The following ABITRAM variants were observed in gnomAD, a reference collection of about 807,000 sequenced individuals.
ABITRAM encodes the protein actin binding transcription modulator.
A neutral mutation model predicts 22.9 loss-of-function variants in ABITRAM; 19 were observed. The observed-to-expected ratio is 0.83, with a 90% confidence interval of 0.58 to 1.22. The LOEUF is 1.22. Ranked by LOEUF, ABITRAM falls within the 50% of genes most tolerant of loss-of-function variation. ABITRAM has a pLI of 0.00. For missense variants in ABITRAM, 215 were observed against 220.2 expected (o/e 0.98, Z 0.15); for synonymous variants, 70 against 73.9 (o/e 0.95, Z 0.27).
chr9:108,936,297 T>C lies in ABITRAM; in HGVS notation c.132-11T>C, dbSNP rs368424181. The C allele has an allele frequency of 6.2e-7, 1 of 1,611,020 alleles. No individual in the cohort carries two copies. Among genetic ancestry groups the C allele is most frequent in the Non-Finnish European group, 8.5e-7 (1 of 1,179,048 alleles). On this transcript the variant is annotated splice_polypyrimidine_tract_variant and intron_variant, in intron 2 of 5. Coordinates refer to ENST00000322940, the MANE Select transcript of ABITRAM (RefSeq NM_017832.4). ...AAGCAATCACACAGGATCAACTTTT[T>C]CTCCTTGTAGAATATGTGTCATCAC...
chr9:108,947,694 C>T (rs552995001), intron 3 of ABITRAM, among the ~76,000 whole-genome samples: 10 of 152,294 alleles, frequency 6.6e-5, no homozygotes, highest in Admixed American at 3.9e-4. Context: ...TCTGTCTCTC[C>T]TTTAATGCCC....
rs971603040 is a variant in ABITRAM at position 108,939,460 on chromosome 9, A to C, written c.408+6A>C. The C allele has an allele frequency of 6.8e-6, 11 of 1,607,288 alleles. No individual in the cohort carries two copies. The highest frequency in any genetic ancestry group is 9.3e-6 in the Non-Finnish European group (11 of 1,178,300). Reference sequence around the variant, plus strand: ...CATCTATTCTTCAAGAAAAGGTAAAAGAGAGAGAAAAAATATGATCTCATC... The same window carrying C: ...CATCTATTCTTCAAGAAAAGGTAAACGAGAGAGAAAAAATATGATCTCATC... On this transcript the variant is annotated splice_donor_region_variant and intron_variant, in intron 5 of 5. Coordinates refer to ENST00000322940, the MANE Select transcript of ABITRAM (RefSeq NM_017832.4).
exon 4 of ABITRAM, chr9:108,950,511 T>C: frequency 6.5e-7 from 1 of 1,549,144 alleles, no homozygotes; most frequent in Non-Finnish European, 8.7e-7. Flanking sequence ...TTCCAGAGAA[T>C]TATCTATCTA....
In ABITRAM at chr9:108,939,786, ACAGC is replaced by A; in HGVS notation, c.*107_*110del. ...AACCAGTATATGTAAAGCATACCTA[ACAGC>A]CAGCCATATGCAGGGGAGGCCTAGT... On this transcript the variant is annotated 3_prime_UTR_variant, in exon 6 of 6. Transcript: ENST00000322940. 1 of 1,393,754 alleles carries A rather than the reference ACAGC, an allele frequency of 7.2e-7. No homozygotes were observed. The highest frequency in any genetic ancestry group is 9.8e-7 in the Non-Finnish European group (1 of 1,021,128). 86.3% of individuals were successfully genotyped at this position (1,393,754 alleles called of 1,614,324 possible).
At chr9:108,949,000 C>T (rs916089728) in intron 3 of ABITRAM, among the ~76,000 whole-genome samples, 10 of 151,660 alleles carry the variant, frequency 6.6e-5, no homozygotes, top group South Asian at 4.2e-4. Context: ...CAATAAGGTA[C>T]TAGTATGTTT....
In ABITRAM at chr9:108,948,228, C is replaced by T. The variant is rs547732507; in HGVS notation, c.262-2279C>T. The T allele has an allele frequency of 2.3e-5, 37 of 1,611,324 alleles. 2 individuals are homozygous for T. The South Asian group carries it at 3.8e-4, about 16-fold the overall frequency. ...AATCCTGGGAAGTTTTCAGTGGCCC[C>T]TCTCCTCTAAAATAAAATTAATTGT... On this transcript the variant is annotated intron_variant, in intron 3 of 3. Transcript: ENST00000374624.
rs1830129508 is a variant in ABITRAM at position 108,934,441 on chromosome 9, A to C, written c.-46A>C. The C allele has an allele frequency of 8.7e-6, 13 of 1,494,440 alleles. No homozygotes were observed. The highest frequency in any genetic ancestry group is 9.1e-6 in the Non-Finnish European group (10 of 1,104,636). The allele number at this position is 1,494,440 out of a possible 1,614,324, so 92.6% of individuals were successfully genotyped here. On this transcript the variant is annotated 5_prime_UTR_variant, in exon 1 of 6. Coordinates refer to ENST00000322940, the MANE Select transcript of ABITRAM (RefSeq NM_017832.4). ...CGCCCAGTCCGGGCTGCGCGGAGGA[A>C]GCGCTGGGGTCCCGGAGGGCGGGGG...
At chr9:108,944,519 G>C (rs2132075934), downstream of ABITRAM, among the ~76,000 whole-genome samples, 1 of 152,208 alleles carries the variant, frequency 6.6e-6, no homozygotes, top group South Asian at 2.1e-4. Flanking sequence ...CTTTTTTTCA[G>C]ATTAATTTTC....
chr9:108,946,297 CAA>C (rs35064357), intron 3 of ABITRAM, among the ~76,000 whole-genome samples: 36 of 95,040 alleles, frequency 3.8e-4, no homozygotes, highest in African/African-American at 1.0e-3. Flanking sequence ...GACTAAGTCT[CAA>C]AAAAAAAAAA....
chr9:108,946,267 C>G (rs1405964079), intron 3 of ABITRAM, among the ~76,000 whole-genome samples: 1 of 150,582 alleles, frequency 6.6e-6, no homozygotes, highest in Non-Finnish European at 1.5e-5. Context: ...CCACTGCACT[C>G]CAGCCTGACA....
At chr9:108,935,316 A>G (rs554666416) in intron 1 of ABITRAM, among the ~76,000 whole-genome samples, 3 of 152,354 alleles carry the variant, frequency 2.0e-5, no homozygotes, top group African/African-American at 4.8e-5. Flanking sequence ...CAAAAAATAT[A>G]TATCATAAAG....
At position 108,950,726 on chromosome 9, in the gene ABITRAM, A is replaced by G. The variant is rs548522926; in HGVS notation, c.*133A>G. On this transcript the variant is annotated 3_prime_UTR_variant, in exon 4 of 4. Coordinates refer to the ABITRAM transcript ENST00000374624. ...CTTTCTGGTGACTTTGCAAAAATAA[A>G]TTGAACACATTAACCCTTTCTTTTC... is the stretch of plus-strand genomic sequence containing the variant. 3.5e-4 allele frequency: 415 copies of G among 1,174,016 alleles called. 1 individual carries two copies. The highest frequency in any genetic ancestry group is 4.7e-4 in the Non-Finnish European group (401 of 853,454). 72.7% of individuals were successfully genotyped at this position (1,174,016 alleles called of 1,614,324 possible).
downstream of ABITRAM, chr9:108,943,636 T>C: frequency 5.9e-6 from 8 of 1,359,724 alleles, no homozygotes; most frequent in Middle Eastern, 2.3e-4. Flanking sequence ...AACAGTTTAT[T>C]TGAAGAAAAA....
intron 3 of ABITRAM, among the ~76,000 whole-genome samples, chr9:108,938,860 T>C (rs1323433901): frequency 6.6e-6 from 1 of 152,216 alleles, no homozygotes; most frequent in Admixed American, 6.5e-5. Flanking sequence ...AATTTTATAT[T>C]GTTTCTTGTT....
At position 108,936,626 on chromosome 9, in the gene ABITRAM, G is replaced by A. The variant is rs976111097; in HGVS notation, c.261+189G>A. Among the ~76,000 whole-genome samples the A allele has an allele frequency of 3.9e-5, 6 of 152,198 alleles. 1 individual carries two copies. The highest frequency in any genetic ancestry group is 5.9e-5 in the Non-Finnish European group (4 of 68,040). ...CCCCAAATTAGGTATCTCAGGAGGT[G>A]TAGTATCTGTTATATTAGGTTCTGT... is the stretch of plus-strand genomic sequence containing the variant. On this transcript the variant is annotated intron_variant, in intron 3 of 5. Transcript: ENST00000322940.
rs1301499101 is a variant in ABITRAM at position 108,939,198 on chromosome 9, G to T, written c.264G>T (p.Gly88=). 11 of 1,613,250 alleles carry T rather than the reference G, an allele frequency of 6.8e-6. No individual in the cohort carries two copies. The South Asian group carries it at 1.2e-4, about 18-fold the overall frequency. The part of the protein sequence containing the change: ...QNKVSGKFKR[G]AQFLTELAPL... Reference sequence around the variant, plus strand: ...ACTTCTTCCGTCTCATTACACAGGGGGCACAGTTTCTAACAGAGCTTGCAC... The same window carrying T: ...ACTTCTTCCGTCTCATTACACAGGGTGCACAGTTTCTAACAGAGCTTGCAC... The change falls in exon 4 of 6, where the codon GGG becomes GGT. Residue 88 remains glycine (G), a splice_region_variant and synonymous_variant. Transcript: ENST00000322940.
chr9:108,944,889 T>C (rs1830356492), downstream of ABITRAM, among the ~76,000 whole-genome samples: 2 of 152,212 alleles, frequency 1.3e-5, no homozygotes, highest in South Asian at 2.1e-4. Flanking sequence ...TAAAATGATC[T>C]CAAGGTCAAA....
At chr9:108,944,856 C>T (rs1830354925), downstream of ABITRAM, among the ~76,000 whole-genome samples, 3 of 152,156 alleles carry the variant, frequency 2.0e-5, no homozygotes, top group Non-Finnish European at 4.4e-5. Flanking sequence ...ATTCAAAAGG[C>T]TTAACACCTT....
At chr9:108,942,797 T>A (rs751937894), downstream of ABITRAM, 4 of 1,613,254 alleles carry the variant, frequency 2.5e-6, no homozygotes, top group African/African-American at 4.0e-5. Context: ...AGTGTCCTTA[T>A]TTGTAACTGA....
Sources: allele counts gnomAD v4.1 joint callset (sites outside exome capture counted in the v4.1 genomes callset), GRCh38; gene constraint gnomAD v4.1.1; transcripts MANE v1.5; gene names NCBI Gene and HGNC (gene_info 2026-07-23, HGNC 2026-07-21).